Variants in GPC5 observed in about 807,000 individuals in gnomAD.
GPC5 encodes the protein glypican-5.
Under a neutral mutation model 53.9 loss-of-function variants are expected in GPC5, and 47 were observed. That is an observed-to-expected ratio of 0.87 (90% CI 0.69 to 1.11). The LOEUF is 1.11. Among genes scored for constraint, GPC5 ranks in the 50% most tolerant of loss-of-function variants. GPC5 has a pLI of 0.00. For synonymous variants in GPC5, 286 were observed against 263.3 expected (o/e 1.09, Z -0.84); for missense variants, 748 against 713.1 (o/e 1.05, Z -0.56).
intron 6 of GPC5, among the ~76,000 whole-genome samples, chr13:92,017,878 C>G (rs909120759): frequency 6.6e-6 from 1 of 151,692 alleles, no homozygotes; most frequent in Non-Finnish European, 1.5e-5. Context: ...TGCATGAGTA[C>G]CTACACTTCC....
At chr13:92,545,629 G>A (rs1218572347) in intron 7 of GPC5, among the ~76,000 whole-genome samples, 3 of 152,144 alleles carry the variant, frequency 2.0e-5, no homozygotes, top group African/African-American at 7.2e-5. Context: ...GTGTGAGACG[G>A]TATCTCATTG....
chr13:92,132,753 T>C (rs1293038409), intron 6 of GPC5, among the ~76,000 whole-genome samples: 1 of 152,086 alleles, frequency 6.6e-6, no homozygotes, highest in Non-Finnish European at 1.5e-5. Context: ...TCTGAAGTAT[T>C]GGGGGTTAGG....
intron 6 of GPC5, among the ~76,000 whole-genome samples, chr13:92,054,957 T>C (rs1594745873): frequency 6.6e-6 from 1 of 152,212 alleles, no homozygotes; most frequent in Non-Finnish European, 1.5e-5. Flanking sequence ...GTTAATTTTC[T>C]GTCTCAAGAG....
chr13:92,005,524 G>T (rs192201291), intron 6 of GPC5, among the ~76,000 whole-genome samples: 2 of 152,018 alleles, frequency 1.3e-5, no homozygotes, highest in East Asian at 3.9e-4. Flanking sequence ...TCCTTTCAGG[G>T]TTCCTTATCC....
intron 2 of GPC5, among the ~76,000 whole-genome samples, chr13:91,571,898 CACATATTGTAT>C (rs2031855424): frequency 3.8e-5 from 2 of 52,910 alleles, no homozygotes; most frequent in African/African-American, 3.2e-4. Flanking sequence ...TGTGTATATA[CACATATTGTAT>C]ATATACACAT....
chr13:91,510,437 CCA>C (rs1302556250), intron 2 of GPC5, among the ~76,000 whole-genome samples: 12 of 152,158 alleles, frequency 7.9e-5, no homozygotes, highest in African/African-American at 2.9e-4. Flanking sequence ...CTGTCTGGTT[CCA>C]GAGTCCCCAC....
intron 7 of GPC5, among the ~76,000 whole-genome samples, chr13:92,356,875 C>CA (rs1166405601): frequency 6.6e-6 from 1 of 152,172 alleles, no homozygotes; most frequent in Non-Finnish European, 1.5e-5. Flanking sequence ...ACTCCACCTT[C>CA]AAGTAGACCA....
intron 7 of GPC5, among the ~76,000 whole-genome samples, chr13:92,438,842 C>A (rs1168010188): frequency 6.6e-6 from 1 of 152,026 alleles, no homozygotes; most frequent in African/African-American, 2.4e-5. Flanking sequence ...TAGCTTGAGC[C>A]ACTGGAAGGA....
intron 7 of GPC5, among the ~76,000 whole-genome samples, chr13:92,307,493 G>A (rs187699487): frequency 6.6e-6 from 1 of 152,292 alleles, no homozygotes; most frequent in African/African-American, 2.4e-5. Flanking sequence ...TTGTTCTCCT[G>A]TAAAAATAAG....
intron 2 of GPC5, among the ~76,000 whole-genome samples, chr13:91,672,911 A>T (rs920211504): frequency 1.4e-4 from 22 of 152,204 alleles, no homozygotes; most frequent in African/African-American, 5.3e-4. Context: ...CATAAAAAGG[A>T]ATCAAATCAT....
chr13:92,613,520 A>T (rs1446647143), intron 7 of GPC5, among the ~76,000 whole-genome samples: 1 of 106,676 alleles, frequency 9.4e-6, no homozygotes, highest in South Asian at 2.4e-4. Context: ...AAAATATAAT[A>T]TATAATTTAT....
chr13:92,550,805 A>G (rs1882286541), intron 7 of GPC5, among the ~76,000 whole-genome samples: 1 of 151,956 alleles, frequency 6.6e-6, no homozygotes, highest in Admixed American at 6.6e-5. Context: ...CATATACAAC[A>G]TAATTATTAT....
intron 6 of GPC5, among the ~76,000 whole-genome samples, chr13:91,982,865 G>T (rs1212160572): frequency 6.6e-6 from 1 of 152,118 alleles, no homozygotes; most frequent in African/African-American, 2.4e-5. Context: ...ACATAAGGAA[G>T]AGAAGAGCTT....
intron 2 of GPC5, among the ~76,000 whole-genome samples, chr13:91,674,779 C>A (rs1224341362): frequency 6.6e-6 from 1 of 150,968 alleles, no homozygotes; most frequent in Non-Finnish European, 1.5e-5. Flanking sequence ...TCAGAAGAAT[C>A]TATTTTTAGA....
chr13:92,297,110 G>T (rs2139192122), intron 7 of GPC5, among the ~76,000 whole-genome samples: 1 of 152,362 alleles, frequency 6.6e-6, no homozygotes, highest in South Asian at 2.1e-4. Context: ...GATCCACTAG[G>T]TGAAGCCAGC....
chr13:92,489,303 T>C (rs1405390340), intron 7 of GPC5, among the ~76,000 whole-genome samples: 1 of 152,186 alleles, frequency 6.6e-6, no homozygotes, highest in Non-Finnish European at 1.5e-5. Flanking sequence ...TGCAGGGCTA[T>C]GTCTTCGTTG....
chr13:91,537,494 G>A lies in GPC5; in HGVS notation c.325+88572G>A, dbSNP rs375104583. On this transcript the variant is annotated intron_variant, in intron 2 of 7. Transcript: ENST00000377067. ...TTTAGTGAAGTGTAAAATCCGAATA[G>A]ACCTAGAACAAGTAAAGAGATTGTA... 6.4e-4 allele frequency among the ~76,000 whole-genome samples: 97 copies of A among 152,228 alleles called. 1 individual carries two copies. The South Asian group carries it at 0.019, about 31-fold the overall frequency.
chr13:92,866,488 C>G lies in GPC5; in HGVS notation c.*49C>G, dbSNP rs148516913. The G allele has an allele frequency of 1.2e-5, 17 of 1,427,256 alleles. No homozygotes were observed. In the African/African-American group the frequency reaches 2.1e-4, roughly 18 times the overall value. 88.4% of individuals were successfully genotyped at this position (1,427,256 alleles called of 1,614,324 possible). On this transcript the variant is annotated 3_prime_UTR_variant, in exon 8 of 8. Coordinates refer to ENST00000377067, the MANE Select transcript of GPC5 (RefSeq NM_004466.6). Reference sequence around the variant, plus strand: ...CCTTACTGAAGTCTCGATTTCTTCTCTCTCTGCATATGCCTGGAATAAGAG... The same window carrying G: ...CCTTACTGAAGTCTCGATTTCTTCTGTCTCTGCATATGCCTGGAATAAGAG...
intron 2 of GPC5, among the ~76,000 whole-genome samples, chr13:91,615,395 T>A (rs1336993547): frequency 6.6e-6 from 1 of 152,190 alleles, no homozygotes; most frequent in East Asian, 1.9e-4. Context: ...TTGCACATAT[T>A]GTTTTCATTC....
Sources: gnomAD v4.1 joint callset for allele counts (sites outside exome capture counted in the v4.1 genomes callset) on GRCh38, gnomAD v4.1.1 for gene constraint, MANE v1.5 for transcripts, NCBI Gene and HGNC (gene_info 2026-07-23, HGNC 2026-07-21) for gene names.